The following SANBR variants were observed in gnomAD, a reference collection of about 807,000 sequenced individuals.
SANBR encodes the protein SANT and BTB domain regulator of class switch recombination.
A neutral mutation model predicts 101.8 loss-of-function variants in SANBR; 77 were observed. That is an observed-to-expected ratio of 0.76 (90% CI 0.63 to 0.91). The LOEUF is 0.91. Ranked by LOEUF, SANBR falls within the 40% of genes least tolerant of loss-of-function variation. The probability of loss-of-function intolerance (pLI) is 0.00; values close to 1 mark genes in which losing one functional copy is unlikely to be tolerated. For missense variants in SANBR, 875 were observed against 853.0 expected, an observed-to-expected ratio of 1.03 and a Z score of -0.32; for synonymous variants, 279 against 274.7, an observed-to-expected ratio of 1.02 and a Z score of -0.15.
At chr2:61,117,101 A>T (rs1359954701) in intron 17 of SANBR, 1 of 493,982 alleles carries the variant, frequency 2.0e-6, no homozygotes, top group African/African-American at 1.9e-5. Context: ...AAGGTTAACA[A>T]ATGAAGCTGG....
intron 13 of SANBR, 84 bp downstream of exon 13, chr2:61,104,082 C>A: frequency 8.3e-7 from 1 of 1,210,042 alleles, no homozygotes; most frequent in Non-Finnish European, 1.2e-6. Context: ...AAATCAGCAA[C>A]GTCAGTCCTC....
rs775323436 is a variant in SANBR, at chr2:61,088,501, T to TTG, written c.1088+35_1088+36dup. ...GAAGATAAAATACATACATGTATTT[T>TTG]TGTATATATATATATATAGTTGTTG... is the stretch of plus-strand genomic sequence containing the variant. On this transcript the variant is annotated intron_variant, in intron 10 of 21. Transcript: ENST00000402291. 5 of 1,280,814 alleles carry TTG rather than the reference T, an allele frequency of 3.9e-6. No homozygotes were observed. In the Admixed American group the frequency reaches 6.8e-5, roughly 17 times the overall value. 79.3% of individuals were successfully genotyped at this position (1,280,814 alleles called of 1,614,324 possible). A position where few individuals can be genotyped will look rare whatever the true frequency, so the allele number is the denominator to read the frequency against.
intron 12 of SANBR, among the ~76,000 whole-genome samples, chr2:61,100,615 TTTG>T (rs752956253): frequency 1.3e-5 from 2 of 152,182 alleles, no homozygotes; most frequent in Non-Finnish European, 2.9e-5. Flanking sequence ...AAATTCTGTT[TTTG>T]TCATTTAGAT....
chr2:61,070,522 A>G lies in SANBR; in HGVS notation c.150+22A>G, dbSNP rs763724174. 8.2e-6 allele frequency: 13 copies of G among 1,592,318 alleles called. 1 individual carries two copies. In the East Asian group the frequency reaches 2.5e-4, roughly 31 times the overall value. On this transcript the variant is annotated intron_variant, in intron 3 of 21. Coordinates refer to ENST00000402291, the MANE Select transcript of SANBR (RefSeq NM_001129993.3). ...AGAGGTAAATAACAGTCCCCCCAGA[A>G]TATCTCCTGAAAATGTTCAGAAAAG...
chr2:61,115,667 G>A (rs760244824), intron 16 of SANBR: 5 of 172,378 alleles, frequency 2.9e-5, no homozygotes, highest in African/African-American at 5.1e-5. Flanking sequence ...CACGAGAATC[G>A]CTTAAACCGT....
At position 61,071,772 on chromosome 2, in the gene SANBR, A is replaced by C; in HGVS notation, c.317A>C (p.His106Pro). Reference protein sequence around the residue: ...HGEFQETPVGHDAVSKTGRHS... With the variant: ...HGEFQETPVGPDAVSKTGRHS... The stretch of plus-strand genomic sequence containing the variant: ...GAATTTCAGGAGACTCCAGTTGGAC[A>C]TGATGCAGTTTCCAAAACTGGTAAG... Residue 106 changes from histidine to proline, a missense_variant, in exon 4 of 22, where the codon CAT (histidine) becomes CCT (proline). His to Pro is a moderately conservative substitution (Grantham distance 77). Transcript: ENST00000402291. 1 of 1,599,226 alleles carries C rather than the reference A, an allele frequency of 6.3e-7. No individual in the cohort carries two copies. The highest frequency in any genetic ancestry group is 8.5e-7 in the Non-Finnish European group (1 of 1,175,716).
At chr2:61,080,196 C>CAAAAA (rs57117097) in intron 6 of SANBR, among the ~76,000 whole-genome samples, 1 of 113,238 alleles carries the variant, frequency 8.8e-6, no homozygotes, top group African/African-American at 3.1e-5. Context: ...AACTTTGTCT[C>CAAAAA]AAAAAAAAAA....
chr2:61,106,510 T>A, intron 13 of SANBR, 53 bp from the exon 14 acceptor site: 1 of 1,249,348 alleles, frequency 8.0e-7, no homozygotes, highest in Non-Finnish European at 1.1e-6. Context: ...TATTCACATT[T>A]AAATTTTTAA....
chr2:61,109,873 G>C, intron 16 of SANBR, among the ~76,000 whole-genome samples: 1 of 151,722 alleles, frequency 6.6e-6, no homozygotes. Context: ...GGCTGGTCTT[G>C]AACTCCTGAC....
At chr2:61,116,399 C>A (rs750132814) in intron 17 of SANBR, among the ~76,000 whole-genome samples, 1 of 151,994 alleles carries the variant, frequency 6.6e-6, no homozygotes, top group Non-Finnish European at 1.5e-5. Context: ...GGGAACTGAA[C>A]GTGTAAGGGA....
At chr2:61,110,036 T>C (rs1011190155) in intron 16 of SANBR, among the ~76,000 whole-genome samples, 6 of 152,028 alleles carry the variant, frequency 3.9e-5, no homozygotes, top group African/African-American at 1.2e-4. Flanking sequence ...GCAAGGAAAA[T>C]TGGTTCAAAG....
chr2:61,097,764 C>T lies in SANBR; in HGVS notation c.1277C>T (p.Ala426Val), dbSNP rs1486584777. Residue 426 changes from alanine to valine, a missense_variant, in exon 12 of 22, where the codon GCA becomes GTA. Coordinates refer to ENST00000402291, the MANE Select transcript of SANBR (RefSeq NM_001129993.3). ...TCAGAAACAGTGGTTTATCCTACTG[C>T]AGCAAGTTCATTGAATACTGTTGGC... is the stretch of plus-strand genomic sequence containing the variant. ...YHSETVVYPT[A>V]ASSLNTVGTG... The T allele has an allele frequency of 4.3e-6, 7 of 1,612,498 alleles. No individual in the cohort carries two copies. The highest frequency in any genetic ancestry group is 5.9e-6 in the Non-Finnish European group (7 of 1,178,774).
chr2:61,088,647 A>AG, intron 10 of SANBR, 179 bp downstream of exon 10: 1 of 395,766 alleles, frequency 2.5e-6, no homozygotes, highest in Non-Finnish European at 4.3e-6. Flanking sequence ...CAGCTTCCTG[A>AG]GAAGCTGGGA....
chr2:61,070,554 A>G, intron 3 of SANBR, 54 bp downstream of exon 3: 1 of 1,518,028 alleles, frequency 6.6e-7, no homozygotes, highest in Non-Finnish European at 9.0e-7. Context: ...AAAGGTCATC[A>G]ATTTAAAGAA....
At chr2:61,080,214 A>AG (rs1553430241) in intron 6 of SANBR, among the ~76,000 whole-genome samples, 1 of 150,346 alleles carries the variant, frequency 6.7e-6, no homozygotes, top group African/African-American at 2.5e-5. Flanking sequence ...AAAAAAAAAA[A>AG]GCAGCAAAGC....
chr2:61,134,394 G>C, intron 21 of SANBR: 1 of 986,154 alleles, frequency 1.0e-6, no homozygotes, highest in Non-Finnish European at 1.4e-6. Flanking sequence ...CACCTAGATG[G>C]TTGCCTTTTG....
intron 4 of SANBR, among the ~76,000 whole-genome samples, chr2:61,072,669 A>G (rs2104846483): frequency 6.6e-6 from 1 of 152,156 alleles, no homozygotes; most frequent in Non-Finnish European, 1.5e-5. Context: ...ACTGTATCAA[A>G]ATGTTCTACT....
intron 10 of SANBR, among the ~76,000 whole-genome samples, chr2:61,091,057 C>G (rs1682730005): frequency 6.6e-6 from 1 of 151,916 alleles, no homozygotes; most frequent in African/African-American, 2.4e-5. Flanking sequence ...CCTCTCTGGC[C>G]TAAAATTACT....
intron 10 of SANBR, among the ~76,000 whole-genome samples, chr2:61,091,257 A>G (rs1007619802): frequency 1.3e-5 from 2 of 151,992 alleles, no homozygotes; most frequent in Non-Finnish European, 2.9e-5. Context: ...CAGCCTGGGC[A>G]ACATAGTGAG....
Sources: gnomAD v4.1 joint callset for allele counts (sites outside exome capture counted in the v4.1 genomes callset) on GRCh38, gnomAD v4.1.1 for gene constraint, MANE v1.5 for transcripts, NCBI Gene and HGNC (gene_info 2026-07-23, HGNC 2026-07-21) for gene names.